Variants in TMEM140 observed in about 807,000 individuals in gnomAD.
TMEM140 encodes the protein transmembrane protein 140.
For missense variants in TMEM140, 236 were observed against 228.5 expected (o/e 1.03, Z -0.21); for synonymous variants, 107 against 106.8 (o/e 1.00, Z -0.01).
Position 135,165,231 on chromosome 7 carries a change from A to T in TMEM140, c.*232A>T, listed in dbSNP as rs1298858629. On this transcript the variant is annotated 3_prime_UTR_variant, in exon 2 of 2. Coordinates refer to ENST00000275767, the MANE Select transcript of TMEM140 (RefSeq NM_018295.5). The stretch of plus-strand genomic sequence containing the variant: ...TTCAGGACTTCCAAGGCTCCCAAAG[A>T]CTCCCTAAACCATGCAGCTCATTGT... The T allele has an allele frequency of 6.1e-6, 3 of 492,646 alleles. No homozygotes were observed. The highest frequency in any genetic ancestry group is 5.8e-5 in the African/African-American group (3 of 51,892). 30.5% of individuals were successfully genotyped at this position (492,646 alleles called of 1,614,324 possible).
chr7:135,164,699 C>T lies in TMEM140; in HGVS notation c.258C>T (p.Gly86=), dbSNP rs34745748. ...TTGGCCTGGGCCTGGCCAGGCTTGG[C>T]GTGTACGGGTCCCTGGTCCTCACCC... is the stretch of plus-strand genomic sequence containing the variant. ...PRVGLGLARL[G]VYGSLVLTLF... is the part of the protein sequence containing the mutation. Residue 86 remains glycine (G), a synonymous_variant, in exon 2 of 2, where the codon GGC becomes GGT. Transcript: ENST00000275767. The T allele has an allele frequency of 7.7e-4, 1,243 of 1,614,208 alleles. 3 individuals carry two copies. Among genetic ancestry groups the T allele is most frequent in the Non-Finnish European group, 1.0e-3 (1,200 of 1,180,026 alleles).
chr7:135,160,773 T>A (rs1422381245), intron 1 of TMEM140, among the ~76,000 whole-genome samples: 1 of 151,014 alleles, frequency 6.6e-6, no homozygotes, highest in Admixed American at 6.6e-5. Flanking sequence ...CTACTGTGTA[T>A]CAAAATAACA....
intron 1 of TMEM140, among the ~76,000 whole-genome samples, chr7:135,154,985 G>C (rs1161301912): frequency 6.6e-6 from 1 of 152,098 alleles, no homozygotes. Context: ...TCTTTCTTTA[G>C]TGATATTTGT....
At position 135,165,086 on chromosome 7, in the gene TMEM140, A is replaced by G. The variant is rs1048380947; in HGVS notation, c.*87A>G. Reference sequence around the variant, plus strand: ...CCATCTCATTTTACAGCTAACGCTGATCTCCAGCTCCAGCGATGGAACCCA... The same window carrying G: ...CCATCTCATTTTACAGCTAACGCTGGTCTCCAGCTCCAGCGATGGAACCCA... On this transcript the variant is annotated 3_prime_UTR_variant, in exon 2 of 2. Transcript: ENST00000275767. 9.0e-6 allele frequency: 13 copies of G among 1,451,024 alleles called. No homozygotes were observed. The highest frequency in any genetic ancestry group is 1.4e-5 in the African/African-American group (1 of 70,260). The allele number at this position is 1,451,024 out of a possible 1,614,324, so 89.9% of individuals were successfully genotyped here. A position where few individuals can be genotyped will look rare whatever the true frequency, so the allele number is the denominator to read the frequency against.
chr7:135,158,177 G>A (rs78129283), intron 1 of TMEM140, among the ~76,000 whole-genome samples: 7,604 of 151,932 alleles, frequency 0.05, 258 homozygotes, highest in Non-Finnish European at 0.08. Flanking sequence ...CAGGAGGGCA[G>A]GGGTCCCTCC....
intron 1 of TMEM140, chr7:135,152,772 T>C (rs1028894746): frequency 6.6e-6 from 1 of 152,226 alleles, no homozygotes; most frequent in Non-Finnish European, 1.5e-5. Flanking sequence ...ACCTAATGGC[T>C]TACCTGTTTT....
intron 1 of TMEM140, among the ~76,000 whole-genome samples, chr7:135,155,402 T>G (rs917964633): frequency 1.9e-4 from 29 of 152,176 alleles, no homozygotes; most frequent in Admixed American, 1.7e-3. Context: ...ATAGACTCTT[T>G]GTCTTTGCCT....
intron 1 of TMEM140, among the ~76,000 whole-genome samples, chr7:135,149,657 C>A (rs904715304): frequency 3.9e-5 from 6 of 152,176 alleles, no homozygotes; most frequent in African/African-American, 1.4e-4. Context: ...TGTGAGAATG[C>A]CAGTTTAACC....
intron 1 of TMEM140, among the ~76,000 whole-genome samples, chr7:135,148,930 T>C (rs1829607491): frequency 6.6e-6 from 1 of 152,212 alleles, no homozygotes; most frequent in Admixed American, 6.5e-5. Context: ...ACTTCCACTA[T>C]GCTTCTTCGC....
chr7:135,153,456 CAAAAAAAA>C (rs55776467), intron 1 of TMEM140, among the ~76,000 whole-genome samples: 2 of 81,358 alleles, frequency 2.5e-5, no homozygotes, highest in African/African-American at 4.9e-5. Flanking sequence ...TCCATCTCCA[CAAAAAAAA>C]AAAAAAAAAA....
In TMEM140 at chr7:135,165,822, T is replaced by C. The variant is rs1414983262; in HGVS notation, c.*823T>C. The stretch of plus-strand genomic sequence containing the variant: ...GTGTGTATTTTCTAGCACTTGTGTA[T>C]TGGAAAACCTGTATGGCAGTGATTT... On this transcript the variant is annotated 3_prime_UTR_variant, in exon 2 of 2. Coordinates refer to ENST00000275767, the MANE Select transcript of TMEM140 (RefSeq NM_018295.5). The C allele has an allele frequency of 6.6e-5, 11 of 167,144 alleles. No individual in the cohort carries two copies. The highest frequency in any genetic ancestry group is 2.7e-4 in the African/African-American group (11 of 41,460). 10.4% of individuals were successfully genotyped at this position (167,144 alleles called of 1,614,324 possible).
chr7:135,155,260 G>A (rs997783421), intron 1 of TMEM140, among the ~76,000 whole-genome samples: 18 of 152,140 alleles, frequency 1.2e-4, no homozygotes, highest in Non-Finnish European at 7.3e-5. Context: ...AAGCAGCATG[G>A]ATCATGTTTT....
intron 1 of TMEM140, among the ~76,000 whole-genome samples, chr7:135,158,539 T>C (rs1056731964): frequency 6.6e-6 from 1 of 152,144 alleles, no homozygotes; most frequent in Non-Finnish European, 1.5e-5. Flanking sequence ...GTCCTAGATA[T>C]GTGTAGGATG....
In TMEM140 at chr7:135,164,920, TACTC is replaced by T. The variant is rs1562928295; in HGVS notation, c.481_484del (p.Leu161SerfsTer5). ...CTAGCTCTGGGCAGCGCCCAGGCCT[TACTC>T]ATCCTCTTGCTTATAGCCATGGCTG... is the stretch of plus-strand genomic sequence containing the variant. On this transcript the variant is annotated frameshift_variant, in exon 2 of 2. Transcript: ENST00000275767. LOFTEE classifies it low-confidence loss of function (END_TRUNC). The T allele has an allele frequency of 1.2e-6, 2 of 1,614,158 alleles. No individual in the cohort carries two copies. Among genetic ancestry groups the T allele is most frequent in the South Asian group, 2.2e-5 (2 of 91,078 alleles).
rs534433035 is a variant in TMEM140 at position 135,156,111 on chromosome 7, C to T, written c.-25+7841C>T. Among the ~76,000 whole-genome samples the T allele has an allele frequency of 2.2e-4, 33 of 152,142 alleles. 1 individual carries two copies. The South Asian group carries it at 6.9e-3, about 32-fold the overall frequency. The stretch of plus-strand genomic sequence containing the variant: ...TGTAAGAATTCTGCTGAAAAGTCCT[C>T]AATTGGTCTGATGAGATTTGGGATT... On this transcript the variant is annotated intron_variant, in intron 1 of 1. Coordinates refer to ENST00000275767, the MANE Select transcript of TMEM140 (RefSeq NM_018295.5).
chr7:135,153,796 T>A (rs1316158682), intron 1 of TMEM140, among the ~76,000 whole-genome samples: 1 of 152,208 alleles, frequency 6.6e-6, no homozygotes, highest in Non-Finnish European at 1.5e-5. Flanking sequence ...TTGGTCTGTG[T>A]TTTCATTTTC....
Position 135,165,088 on chromosome 7 carries a change from C to A in TMEM140, c.*89C>A. ...ATCTCATTTTACAGCTAACGCTGAT[C>A]TCCAGCTCCAGCGATGGAACCCACT... On this transcript the variant is annotated 3_prime_UTR_variant, in exon 2 of 2. Transcript: ENST00000275767. 7.0e-7 allele frequency: 1 copy of A among 1,433,862 alleles called. No homozygotes were observed. Among genetic ancestry groups the A allele is most frequent in the Non-Finnish European group, 9.4e-7 (1 of 1,069,370 alleles). The allele number at this position is 1,433,862 out of a possible 1,614,324, so 88.8% of individuals were successfully genotyped here. A position where few individuals can be genotyped will look rare whatever the true frequency, so the allele number is the denominator to read the frequency against.
chr7:135,158,664 C>G (rs1477350599), intron 1 of TMEM140, among the ~76,000 whole-genome samples: 1 of 152,034 alleles, frequency 6.6e-6, no homozygotes, highest in Non-Finnish European at 1.5e-5. Flanking sequence ...TACCTTGGGC[C>G]TGGGATCAGA....
chr7:135,159,543 G>GT (rs1356104359), intron 1 of TMEM140, among the ~76,000 whole-genome samples: 1 of 152,180 alleles, frequency 6.6e-6, no homozygotes, highest in Admixed American at 6.5e-5. Context: ...TGCTCAGGCT[G>GT]TAACTCTTGA....
Sources: allele counts gnomAD v4.1 joint callset (sites outside exome capture counted in the v4.1 genomes callset), GRCh38; gene constraint gnomAD v4.1.1; transcripts MANE v1.5; gene names NCBI Gene and HGNC (gene_info 2026-07-23, HGNC 2026-07-21).